ABI1: variants seen among roughly 807,000 people sequenced by gnomAD.
ABI1 encodes the protein abl interactor 1.
Under a neutral mutation model 54.6 loss-of-function variants are expected in ABI1, and 14 were observed. The observed-to-expected ratio is 0.26, with a 90% CI of 0.17 to 0.40. The LOEUF is 0.40. Among genes scored for constraint, ABI1 ranks in the 10% least tolerant of loss-of-function variants. The probability of loss-of-function intolerance (pLI) is 1.00; values close to 1 mark genes in which losing one functional copy is unlikely to be tolerated. For missense variants in ABI1, 443 were observed against 598.3 expected (o/e 0.74, Z 2.71); for synonymous variants, 194 against 209.3 (o/e 0.93, Z 0.63).
chr10:26,751,571 C>G (rs758958587), intron 10 of ABI1, 27 bp downstream of exon 10: 3 of 1,588,150 alleles, frequency 1.9e-6, no homozygotes, highest in Admixed American at 1.9e-5. Flanking sequence ...TATTTTCCTT[C>G]ACATCAACTC....
At chr10:26,795,654 C>T (rs1316621478) in intron 2 of ABI1, among the ~76,000 whole-genome samples, 1 of 150,830 alleles carries the variant, frequency 6.6e-6, no homozygotes, top group Non-Finnish European at 1.5e-5. Flanking sequence ...TTTATGATAG[C>T]ATCCAAAAAA....
At chr10:26,831,849 A>G (rs2048698819) in intron 1 of ABI1, among the ~76,000 whole-genome samples, 1 of 152,204 alleles carries the variant, frequency 6.6e-6, no homozygotes, top group Admixed American at 6.5e-5. Flanking sequence ...TCCCCTTACA[A>G]ATAATGGAAC....
At chr10:26,788,495 A>G (rs542667595) in intron 2 of ABI1, among the ~76,000 whole-genome samples, 1 of 152,362 alleles carries the variant, frequency 6.6e-6, no homozygotes, top group Admixed American at 6.5e-5. Flanking sequence ...ATATGAAAAC[A>G]TGAATGTAAC....
intron 2 of ABI1, among the ~76,000 whole-genome samples, chr10:26,787,690 T>C (rs16927331): frequency 0.011 from 1,632 of 152,312 alleles, 29 homozygotes; most frequent in African/African-American, 0.037. Flanking sequence ...TACTTGAATT[T>C]CCTTACTTTC....
rs1840508823 is a variant in ABI1 at position 26,770,276 on chromosome 10, T to C, written c.547A>G (p.Ser183Gly). The C allele has an allele frequency of 1.9e-6, 3 of 1,613,988 alleles. No individual in the cohort carries two copies. In the African/African-American group the frequency reaches 4.0e-5, roughly 22 times the overall value. ...GTTCCCCGGCCTGACATGGGAGGAC[T>C]TGGCGGTTTCTGAGTAGGAGGATTT... ...RTNPPTQKPP[S>G]PPMSGRGTLG... The change falls in exon 5 of 11, where the codon AGT becomes GGT. Residue 183 changes from serine to glycine, a missense_variant. Ser to Gly is a moderately conservative substitution (Grantham distance 56). Coordinates refer to ENST00000376140, the MANE Select transcript of ABI1 (RefSeq NM_001012750.3).
chr10:26,828,154 C>A (rs975582133), intron 1 of ABI1, among the ~76,000 whole-genome samples: 1 of 152,128 alleles, frequency 6.6e-6, no homozygotes, highest in African/African-American at 2.4e-5. Context: ...AATATTGTTG[C>A]ATCTCAGGCA....
chr10:26,785,429 A>G (rs755952564), intron 2 of ABI1, among the ~76,000 whole-genome samples: 1 of 152,178 alleles, frequency 6.6e-6, no homozygotes, highest in Non-Finnish European at 1.5e-5. Flanking sequence ...TACAATAAAG[A>G]TATCATCTCC....
intron 2 of ABI1, among the ~76,000 whole-genome samples, chr10:26,799,491 G>A (rs1349924993): frequency 2.0e-5 from 3 of 152,138 alleles, no homozygotes; most frequent in African/African-American, 7.2e-5. Context: ...TAGAAAAAAT[G>A]AGCACGTGCA....
intron 2 of ABI1, among the ~76,000 whole-genome samples, chr10:26,783,436 G>A (rs572827976): frequency 6.6e-6 from 1 of 152,136 alleles, no homozygotes; most frequent in Non-Finnish European, 1.5e-5. Flanking sequence ...GGTTAAGATG[G>A]TGATCATATA....
At position 26,785,520 on chromosome 10, in the gene ABI1, G is replaced by A. The variant is rs1313714634; in HGVS notation, c.286-8279C>T. On this transcript the variant is annotated intron_variant, in intron 2 of 10. Transcript: ENST00000376140. ...GCAGATCACCTGAGGTCAGGAGTTA[G>A]AGACCAGCCTGGCCAACATGGTGAA... 2.0e-5 allele frequency among the ~76,000 whole-genome samples: 3 copies of A among 152,260 alleles called. No homozygotes were observed. In the South Asian group the frequency reaches 6.2e-4, roughly 32 times the overall value.
intron 1 of ABI1, among the ~76,000 whole-genome samples, chr10:26,831,435 C>T (rs1404855881): frequency 6.6e-6 from 1 of 151,910 alleles, no homozygotes; most frequent in African/African-American, 2.4e-5. Context: ...CCCAGCTACT[C>T]GGGAGGCTGA....
At chr10:26,769,145 G>A (rs1840343547) in intron 5 of ABI1, among the ~76,000 whole-genome samples, 153 bp from the exon 6 acceptor site, 1 of 151,844 alleles carries the variant, frequency 6.6e-6, no homozygotes, top group Non-Finnish European at 1.5e-5. Context: ...TTCTTCACTG[G>A]GATATATGAA....
chr10:26,789,135 T>G (rs756520382), intron 2 of ABI1: 5 of 152,194 alleles, frequency 3.3e-5, no homozygotes, highest in Non-Finnish European at 5.9e-5. Context: ...CTGCCAGTTC[T>G]ATCCTCAAGC....
intron 10 of ABI1, among the ~76,000 whole-genome samples, chr10:26,750,145 T>C (rs1837427315): frequency 1.3e-5 from 2 of 152,222 alleles, no homozygotes; most frequent in African/African-American, 4.8e-5. Context: ...TTTGAAGGTA[T>C]ATGGGAATCT....
intron 2 of ABI1, among the ~76,000 whole-genome samples, chr10:26,794,135 C>A (rs1403878006): frequency 6.6e-6 from 1 of 151,878 alleles, no homozygotes; most frequent in Non-Finnish European, 1.5e-5. Context: ...CCCAGCTACT[C>A]GAGAGGCTAA....
chr10:26,763,471 T>C (rs979370282), intron 7 of ABI1, among the ~76,000 whole-genome samples: 1 of 152,080 alleles, frequency 6.6e-6, no homozygotes, highest in African/African-American at 2.4e-5. Flanking sequence ...AGCCTCAGAG[T>C]ACCCCATCCC....
At chr10:26,841,117 C>T (rs968644796) in intron 1 of ABI1, among the ~76,000 whole-genome samples, 3 of 152,274 alleles carry the variant, frequency 2.0e-5, no homozygotes, top group Admixed American at 6.5e-5. Context: ...TTGTGTCAGA[C>T]CATATGGCAT....
chr10:26,781,905 A>AT (rs1564491538), intron 2 of ABI1, among the ~76,000 whole-genome samples: 2 of 152,210 alleles, frequency 1.3e-5, no homozygotes, highest in African/African-American at 2.4e-5. Context: ...ACACAGCAAC[A>AT]TATCTATCAT....
chr10:26,816,986 T>TTGTG (rs71403891), intron 2 of ABI1, among the ~76,000 whole-genome samples: 9,011 of 143,544 alleles, frequency 0.063, 286 homozygotes, highest in Middle Eastern at 0.077. Context: ...TGCAAAGACT[T>TTGTG]TGTGTGTGTG....
Sources: allele counts gnomAD v4.1 joint callset (sites outside exome capture counted in the v4.1 genomes callset), GRCh38; gene constraint gnomAD v4.1.1; transcripts MANE v1.5; gene names NCBI Gene and HGNC (gene_info 2026-07-23, HGNC 2026-07-21).